GALNTL6: variants seen among roughly 807,000 people sequenced by gnomAD.
GALNTL6 encodes polypeptide N-acetylgalactosaminyltransferase like 6.
GALNTL6 carries 46 observed loss-of-function variants against 73.7 expected under a neutral mutation model. The ratio of observed to expected loss-of-function variants is 0.62; its 90% CI spans 0.49 to 0.80. The LOEUF (loss-of-function observed/expected upper bound fraction) is 0.80. Ranked by LOEUF, GALNTL6 falls within the 30% of genes least tolerant of loss-of-function variation. The probability of loss-of-function intolerance (pLI) is 0.00; values close to 1 mark genes in which losing one functional copy is unlikely to be tolerated. For synonymous variants in GALNTL6, 259 were observed against 263.7 expected (o/e 0.98, Z 0.17); for missense variants, 604 against 755.0 (o/e 0.80, Z 2.34).
intron 5 of GALNTL6, among the ~76,000 whole-genome samples, chr4:172,570,315 G>A (rs1431047605): frequency 6.6e-6 from 1 of 152,138 alleles, no homozygotes; most frequent in Non-Finnish European, 1.5e-5. Context: ...TGGTTTGCAG[G>A]AAAAGGATAA....
chr4:172,775,483 G>C (rs1000173540), intron 5 of GALNTL6, among the ~76,000 whole-genome samples: 1 of 152,188 alleles, frequency 6.6e-6, no homozygotes, highest in Admixed American at 6.5e-5. Context: ...TTATTGCACA[G>C]ATAGGCAATG....
chr4:172,322,839 A>G (rs1342587740), intron 4 of GALNTL6, among the ~76,000 whole-genome samples: 2 of 152,052 alleles, frequency 1.3e-5, no homozygotes, highest in African/African-American at 4.8e-5. Context: ...ATATCAATGG[A>G]GAATAAGAAA....
chr4:172,144,964 A>C (rs1733891125), intron 2 of GALNTL6, among the ~76,000 whole-genome samples: 1 of 151,960 alleles, frequency 6.6e-6, no homozygotes, highest in Admixed American at 6.6e-5. Flanking sequence ...TGGAAATACA[A>C]CATTTTTTTT....
rs148404700 is a variant in GALNTL6, at chr4:172,077,178, A to G, written c.139-152478A>G. Among the ~76,000 whole-genome samples the G allele has an allele frequency of 3.6e-4, 55 of 152,310 alleles. 1 individual carries two copies. Among genetic ancestry groups the G allele is most frequent in the African/African-American group, 1.2e-3 (51 of 41,560 alleles). On this transcript the variant is annotated intron_variant, in intron 2 of 12. Transcript: ENST00000506823. ...ATAGAGTGTGAAAATGGACAAATAC[A>G]GAAAATTGGTACTAGGAAAGTGGGG...
chr4:172,619,682 G>A lies in GALNTL6; in HGVS notation c.554-189679G>A, dbSNP rs922949757. Among the ~76,000 whole-genome samples the A allele has an allele frequency of 4.6e-5, 7 of 152,094 alleles. No individual in the cohort carries two copies. The East Asian group carries it at 1.4e-3, about 29-fold the overall frequency. ...GGCATGACCTTTTTGAGGTTGCTTT[G>A]TGTTTTTTCTGTCAGCTTTGTTTTT... On this transcript the variant is annotated intron_variant, in intron 5 of 12. Transcript: ENST00000506823.
chr4:173,026,023 T>C (rs1047327039), intron 12 of GALNTL6, among the ~76,000 whole-genome samples: 3 of 152,212 alleles, frequency 2.0e-5, no homozygotes, highest in Non-Finnish European at 2.9e-5. Context: ...CTAGGCAATA[T>C]TGACAGTTGT....
intron 2 of GALNTL6, among the ~76,000 whole-genome samples, chr4:171,988,627 T>C (rs193282773): frequency 2.6e-3 from 397 of 152,258 alleles, no homozygotes; most frequent in African/African-American, 6.7e-3. Flanking sequence ...AGGCACAGAT[T>C]CTGAACTAAC....
chr4:172,332,416 T>C (rs892323127), intron 4 of GALNTL6, among the ~76,000 whole-genome samples: 15 of 152,076 alleles, frequency 9.9e-5, no homozygotes, highest in Non-Finnish European at 1.5e-5. Flanking sequence ...CTTTATGTTT[T>C]TATCTTTTAA....
At chr4:172,498,005 T>TC (rs2110767032) in intron 5 of GALNTL6, among the ~76,000 whole-genome samples, 1 of 147,648 alleles carries the variant, frequency 6.8e-6, no homozygotes, top group Non-Finnish European at 1.5e-5. Context: ...TTTTTTTGTT[T>TC]TTTTGAGATG....
At chr4:171,999,568 C>A (rs964838539) in intron 2 of GALNTL6, among the ~76,000 whole-genome samples, 2 of 152,074 alleles carry the variant, frequency 1.3e-5, no homozygotes, top group African/African-American at 2.4e-5. Flanking sequence ...TGCATTTTAA[C>A]TGGGAGCAAT....
intron 5 of GALNTL6, among the ~76,000 whole-genome samples, chr4:172,802,193 C>A (rs73869673): frequency 6.6e-6 from 1 of 151,942 alleles, no homozygotes; most frequent in Non-Finnish European, 1.5e-5. Flanking sequence ...CAAGTATTAC[C>A]AGCAGCTGAA....
chr4:172,062,406 A>T (rs1731238479), intron 2 of GALNTL6, among the ~76,000 whole-genome samples: 1 of 152,202 alleles, frequency 6.6e-6, no homozygotes, highest in Non-Finnish European at 1.5e-5. Context: ...CTATGAAATA[A>T]GCTCAACTGT....
intron 9 of GALNTL6, among the ~76,000 whole-genome samples, chr4:172,937,993 A>G (rs979195906): frequency 1.4e-4 from 22 of 152,220 alleles, no homozygotes; most frequent in Admixed American, 3.3e-4. Context: ...GCTAATCTAC[A>G]TACAAGTTAC....
chr4:171,988,551 A>G (rs967342874), intron 2 of GALNTL6, among the ~76,000 whole-genome samples: 2 of 152,126 alleles, frequency 1.3e-5, no homozygotes, highest in African/African-American at 4.8e-5. Context: ...GGAGGGAGGT[A>G]TTGAGGATAG....
At chr4:172,558,301 T>A (rs1313469572) in intron 5 of GALNTL6, among the ~76,000 whole-genome samples, 1 of 152,160 alleles carries the variant, frequency 6.6e-6, no homozygotes, top group African/African-American at 2.4e-5. Context: ...AGGTGTAAGT[T>A]AAATGAGGGG....
chr4:172,515,313 A>T (rs1210499984), intron 5 of GALNTL6, among the ~76,000 whole-genome samples: 1 of 152,236 alleles, frequency 6.6e-6, no homozygotes, highest in Non-Finnish European at 1.5e-5. Flanking sequence ...GCATAGTCTT[A>T]GCTTGCTGAC....
chr4:172,893,557 G>T (rs961033330), intron 8 of GALNTL6, among the ~76,000 whole-genome samples: 2 of 152,188 alleles, frequency 1.3e-5, no homozygotes, highest in African/African-American at 4.8e-5. Context: ...TGTGCTGTAG[G>T]TACCTTCCTG....
At chr4:172,291,282 A>G (rs1386743829) in intron 3 of GALNTL6, among the ~76,000 whole-genome samples, 1 of 152,040 alleles carries the variant, frequency 6.6e-6, no homozygotes, top group African/African-American at 2.4e-5. Context: ...TTTCCCCTTA[A>G]AGATTAAGAA....
chr4:172,732,970 A>G (rs960276006), intron 5 of GALNTL6, among the ~76,000 whole-genome samples: 1 of 152,214 alleles, frequency 6.6e-6, no homozygotes, highest in Non-Finnish European at 1.5e-5. Context: ...GGGATTTTAT[A>G]CTAGAGTTAT....
Sources: gnomAD v4.1 joint callset for allele counts (sites outside exome capture counted in the v4.1 genomes callset) on GRCh38, gnomAD v4.1.1 for gene constraint, MANE v1.5 for transcripts, NCBI Gene and HGNC (gene_info 2026-07-23, HGNC 2026-07-21) for gene names.